SDK2: variants seen among roughly 807,000 people sequenced by gnomAD.
SDK2 encodes the protein sidekick cell adhesion molecule 2.
A neutral mutation model predicts 253.9 loss-of-function variants in SDK2; 105 were observed. That is an observed-to-expected ratio of 0.41 (90% CI 0.35 to 0.49). The LOEUF is 0.49. SDK2 is among the 20% of genes least tolerant of loss of function. The pLI is 0.06. For synonymous variants in SDK2, 1,249 were observed against 1,234.9 expected, an observed-to-expected ratio of 1.01 and a Z score of -0.24; for missense variants, 2,608 against 3,003.0, an observed-to-expected ratio of 0.87 and a Z score of 3.07.
rs924351339 is a variant in SDK2, at chr17:73,455,866, C to G, written c.479+40G>C. ...CTGGCCCCAAACCTCCTCCCCCAGA[C>G]ACCCCTCCCCTCCCCGTCCCCTCAG... On this transcript the variant is annotated intron_variant, in intron 4 of 44. Transcript: ENST00000392650. The surrounding 1 kb of genome is among the most constrained non-coding windows in gnomAD (Gnocchi z 5.0). 3 of 1,507,532 alleles carry G rather than the reference C, an allele frequency of 2.0e-6. No individual in the cohort carries two copies. The highest frequency in any genetic ancestry group is 2.7e-6 in the Non-Finnish European group (3 of 1,128,366). 93.4% of individuals were successfully genotyped at this position (1,507,532 alleles called of 1,614,324 possible).
chr17:73,359,259 C>G (rs1322264280), intron 39 of SDK2, among the ~76,000 whole-genome samples: 2 of 152,016 alleles, frequency 1.3e-5, no homozygotes, highest in African/African-American at 4.8e-5. Context: ...GGAGGGCCAG[C>G]AGGCCCTCCT....
chr17:73,468,506 A>G (rs575522316), intron 3 of SDK2, among the ~76,000 whole-genome samples: 22 of 151,530 alleles, frequency 1.5e-4, no homozygotes, highest in Non-Finnish European at 2.9e-4. Context: ...TCCAAAGTCC[A>G]CTCTTTTTAT....
intron 2 of SDK2, among the ~76,000 whole-genome samples, chr17:73,494,196 C>T (rs555902535): frequency 6.6e-6 from 1 of 152,350 alleles, no homozygotes; most frequent in South Asian, 2.1e-4. Flanking sequence ...ATCCAAGCAG[C>T]ACTGCACGGA....
In SDK2 at chr17:73,422,914, C is replaced by T. The variant is rs1011631254; in HGVS notation, c.1897+472G>A. 9.2e-5 allele frequency among the ~76,000 whole-genome samples: 14 copies of T among 152,014 alleles called. 1 individual carries two copies. The highest frequency in any genetic ancestry group is 6.6e-4 in the Admixed American group (10 of 15,258). ...TGTATGCCTGTAATCCCAACTACTT[C>T]GGAGGCTGAGACAGGAGAATCACCT... On this transcript the variant is annotated intron_variant, in intron 14 of 44. Coordinates refer to ENST00000392650, the MANE Select transcript of SDK2 (RefSeq NM_001144952.2).
chr17:73,409,768 C>CT (rs879671102), intron 18 of SDK2, among the ~76,000 whole-genome samples: 1 of 152,094 alleles, frequency 6.6e-6, no homozygotes, highest in African/African-American at 2.4e-5. Context: ...ATCTCTGCTG[C>CT]TTTTATTCAT....
intron 2 of SDK2, among the ~76,000 whole-genome samples, chr17:73,482,883 G>A (rs1455799802): frequency 6.6e-6 from 1 of 152,184 alleles, no homozygotes; most frequent in Non-Finnish European, 1.5e-5. Context: ...TAGCAGCATC[G>A]GGTTGTGAGC....
At chr17:73,390,898 G>T (rs920329977) in intron 28 of SDK2, among the ~76,000 whole-genome samples, 1 of 152,212 alleles carries the variant, frequency 6.6e-6, no homozygotes, top group Non-Finnish European at 1.5e-5. Context: ...GTGAGGTCAG[G>T]ACTGAGAACC....
intron 1 of SDK2, among the ~76,000 whole-genome samples, chr17:73,508,722 A>G (rs906173826): frequency 6.6e-6 from 1 of 152,200 alleles, no homozygotes; most frequent in African/African-American, 2.4e-5. Flanking sequence ...CCAAGGTCAC[A>G]CAACTGGGCG....
Position 73,361,628 on chromosome 17 carries a change from G to T in SDK2, c.5467+56C>A. ...GCTCTTGACACCGGGGGCCCCTTCT[G>T]ACTGGGGACGCTGAACCGCCGTGTG... On this transcript the variant is annotated intron_variant, in intron 39 of 44. Transcript: ENST00000392650. This position sits in a 1 kb window ranked among gnomAD's most constrained non-coding sequence, Gnocchi z 4.1. 3.8e-6 allele frequency: 6 copies of T among 1,571,040 alleles called. No homozygotes were observed. The highest frequency in any genetic ancestry group is 5.2e-6 in the Non-Finnish European group (6 of 1,147,946).
intron 1 of SDK2, among the ~76,000 whole-genome samples, chr17:73,533,196 T>C (rs1180580258): frequency 6.6e-6 from 1 of 152,150 alleles, no homozygotes; most frequent in Non-Finnish European, 1.5e-5. Flanking sequence ...TGGTATGTGT[T>C]GGCGGGATGT....
rs893229884 is a variant in SDK2, at chr17:73,643,579, G to T, written c.64+446C>A. Among the ~76,000 whole-genome samples, 3 of 152,008 alleles carry T rather than the reference G, an allele frequency of 2.0e-5. No homozygotes were observed. The highest frequency in any genetic ancestry group is 2.1e-4 in the South Asian group (1 of 4,808). On this transcript the variant is annotated intron_variant, in intron 1 of 44. Transcript: ENST00000392650. This position sits in a 1 kb window ranked among gnomAD's most constrained non-coding sequence, Gnocchi z 6.9. ...CTCGCCCACCCCACTCCCTCGCCCC[G>T]GGGAGGCCATCGCCTGCCCGGCAGG...
chr17:73,559,598 G>GCGC (rs2045197534), intron 1 of SDK2, among the ~76,000 whole-genome samples: 4 of 122,190 alleles, frequency 3.3e-5, no homozygotes, highest in African/African-American at 1.2e-4. Context: ...CGCTCCCTGT[G>GCGC]CCCCCCGCCC....
chr17:73,588,100 C>T (rs948496023), intron 1 of SDK2, among the ~76,000 whole-genome samples: 3 of 151,914 alleles, frequency 2.0e-5, no homozygotes, highest in Admixed American at 1.3e-4. Flanking sequence ...TGGCCTGGCG[C>T]GGTGGCTCAC....
At chr17:73,369,337 C>T (rs2062714901) in intron 36 of SDK2, 3 of 278,542 alleles carry the variant, frequency 1.1e-5, no homozygotes, top group South Asian at 6.4e-5. Context: ...AGTCTCAGGG[C>T]CACCCCGGGC....
Position 73,561,681 on chromosome 17 carries a change from G to A in SDK2, c.65-54084C>T, listed in dbSNP as rs914246871. 1.1e-4 allele frequency among the ~76,000 whole-genome samples: 17 copies of A among 152,320 alleles called. No homozygotes were observed. The Middle Eastern group carries it at 0.01, about 91-fold the overall frequency. ...GGAACAAGTAGAGTGGCCTTAGAGT[G>A]GGGAGCACTGTGCAGACTCCTGTAC... On this transcript the variant is annotated intron_variant, in intron 1 of 44. Coordinates refer to ENST00000392650, the MANE Select transcript of SDK2 (RefSeq NM_001144952.2).
chr17:73,358,680 G>A lies in SDK2; in HGVS notation c.5468-476C>T, dbSNP rs538220110. ...AGAGGAGGGGGTTGGTCGGAGCGGGGCTGAAGAGTCCAGTTTCTCCCTCCT... is the reference window on the plus strand; with the variant it reads ...AGAGGAGGGGGTTGGTCGGAGCGGGACTGAAGAGTCCAGTTTCTCCCTCCT... On this transcript the variant is annotated intron_variant, in intron 39 of 44. Coordinates refer to ENST00000392650, the MANE Select transcript of SDK2 (RefSeq NM_001144952.2). Among the ~76,000 whole-genome samples the A allele has an allele frequency of 6.6e-5, 10 of 152,184 alleles. No individual in the cohort carries two copies. The East Asian group carries it at 1.7e-3, about 27-fold the overall frequency.
At chr17:73,382,218 CAA>C (rs34453546) in intron 33 of SDK2, among the ~76,000 whole-genome samples, 1,651 of 126,650 alleles carry the variant, frequency 0.013, 43 homozygotes, top group East Asian at 0.097. Flanking sequence ...AACTCCATTT[CAA>C]AAAAAAAAAA....
chr17:73,620,020 G>A (rs957912466), intron 1 of SDK2, among the ~76,000 whole-genome samples: 2 of 152,112 alleles, frequency 1.3e-5, no homozygotes, highest in Non-Finnish European at 2.9e-5. Context: ...GCAACATGGT[G>A]AAACCCTGTC....
At chr17:73,368,259 T>C in intron 37 of SDK2, 148 bp downstream of exon 37, 3 of 680,520 alleles carry the variant, frequency 4.4e-6, no homozygotes, top group Non-Finnish European at 6.7e-6. Flanking sequence ...TGGGAGGGTG[T>C]CTCTGGGGAC....
Sources: allele counts gnomAD v4.1 joint callset (sites outside exome capture counted in the v4.1 genomes callset), GRCh38; gene constraint gnomAD v4.1.1; non-coding constraint Gnocchi (gnomAD v3.1); transcripts MANE v1.5; gene names NCBI Gene and HGNC (gene_info 2026-07-23, HGNC 2026-07-21).